ZNF385B: variants seen among roughly 807,000 people sequenced by gnomAD.
ZNF385B encodes the protein zinc finger protein 533.
Under a neutral mutation model 39.2 loss-of-function variants are expected in ZNF385B, and 23 were observed. The observed-to-expected ratio is 0.59, with a 90% confidence interval of 0.42 to 0.83. The LOEUF (loss-of-function observed/expected upper bound fraction) is 0.83, where lower values mean the gene tolerates loss of function less well. Among genes scored for constraint, ZNF385B ranks in the 40% least tolerant of loss-of-function variants. The probability of loss-of-function intolerance (pLI) is 0.00; values close to 1 mark genes in which losing one functional copy is unlikely to be tolerated. For synonymous variants in ZNF385B, 205 were observed against 222.6 expected (o/e 0.92, Z 0.70); for missense variants, 552 against 598.9 (o/e 0.92, Z 0.82).
At chr2:179,642,502 C>T (rs1692357518) in intron 3 of ZNF385B, among the ~76,000 whole-genome samples, 1 of 152,118 alleles carries the variant, frequency 6.6e-6, no homozygotes, top group Non-Finnish European at 1.5e-5. Flanking sequence ...ATCTTAGTTA[C>T]TCTTGTTCGA....
chr2:179,694,410 T>A (rs1559098122), intron 3 of ZNF385B, among the ~76,000 whole-genome samples: 1 of 151,928 alleles, frequency 6.6e-6, no homozygotes, highest in East Asian at 1.9e-4. Context: ...TAACTATTAG[T>A]CACTAATTCC....
chr2:179,546,494 G>T (rs1051381020), intron 3 of ZNF385B, among the ~76,000 whole-genome samples: 1 of 152,100 alleles, frequency 6.6e-6, no homozygotes, highest in Non-Finnish European at 1.5e-5. Context: ...TCTGTGCCTG[G>T]CTTATTTCAC....
intron 3 of ZNF385B, chr2:179,745,882 G>A (rs1460245691): frequency 2.4e-6 from 3 of 1,263,760 alleles, no homozygotes; most frequent in Non-Finnish European, 3.0e-6. Context: ...TATCAGTGCC[G>A]CTCCAAGCCT....
chr2:179,789,743 A>G (rs548024714), intron 1 of ZNF385B, among the ~76,000 whole-genome samples: 10 of 152,212 alleles, frequency 6.6e-5, no homozygotes, highest in Non-Finnish European at 1.3e-4. Flanking sequence ...TGAGGAGCAT[A>G]AAACATACTA....
At chr2:179,588,055 C>T (rs762176361) in intron 3 of ZNF385B, among the ~76,000 whole-genome samples, 2 of 152,078 alleles carry the variant, frequency 1.3e-5, no homozygotes, top group Admixed American at 6.5e-5. Flanking sequence ...TAACCTCCAT[C>T]GGAAAGGCAA....
At chr2:179,721,126 G>A (rs957762108) in intron 3 of ZNF385B, among the ~76,000 whole-genome samples, 17 of 151,784 alleles carry the variant, frequency 1.1e-4, no homozygotes, top group African/African-American at 3.4e-4. Flanking sequence ...AATTACTACA[G>A]ATGAAAAGGT....
At chr2:179,756,169 G>C (rs1419363077) in intron 3 of ZNF385B, among the ~76,000 whole-genome samples, 2 of 151,970 alleles carry the variant, frequency 1.3e-5, no homozygotes, top group Non-Finnish European at 2.9e-5. Context: ...TTTTAGGGCA[G>C]GCCTGGTGGT....
intron 1 of ZNF385B, among the ~76,000 whole-genome samples, chr2:179,810,389 TAACA>T (rs1202665442): frequency 1.3e-5 from 2 of 151,988 alleles, no homozygotes; most frequent in Admixed American, 6.5e-5. Flanking sequence ...TTGATTTTAC[TAACA>T]ATCAAGAGAA....
chr2:179,787,310 T>C (rs767525319), intron 1 of ZNF385B, among the ~76,000 whole-genome samples: 16 of 152,086 alleles, frequency 1.1e-4, no homozygotes, highest in Non-Finnish European at 2.2e-4. Flanking sequence ...TGTTCCCTGC[T>C]CTATGTTATA....
At chr2:179,596,490 G>A (rs1688009154) in intron 3 of ZNF385B, among the ~76,000 whole-genome samples, 1 of 152,098 alleles carries the variant, frequency 6.6e-6, no homozygotes, top group Non-Finnish European at 1.5e-5. Context: ...TTCTCTATCA[G>A]ACTGAGGCCA....
At chr2:179,813,389 C>T (rs1706856248) in intron 1 of ZNF385B, among the ~76,000 whole-genome samples, 1 of 152,002 alleles carries the variant, frequency 6.6e-6, no homozygotes, top group Non-Finnish European at 1.5e-5. Flanking sequence ...CATTTGACTC[C>T]TAAAATTTTT....
chr2:179,555,120 A>G (rs548206481), intron 3 of ZNF385B, among the ~76,000 whole-genome samples: 2 of 149,928 alleles, frequency 1.3e-5, no homozygotes, highest in African/African-American at 5.0e-5. Context: ...GTATGTTTGC[A>G]TGATGAAACA....
intron 4 of ZNF385B, among the ~76,000 whole-genome samples, chr2:179,537,424 A>G (rs769071205): frequency 4.3e-4 from 66 of 152,106 alleles, no homozygotes; most frequent in Non-Finnish European, 8.1e-4. Flanking sequence ...GTATATTTAC[A>G]TACTTTTTCT....
chr2:179,798,727 T>TACTGTGGTTTG (rs1705839968), intron 1 of ZNF385B, among the ~76,000 whole-genome samples: 1 of 152,158 alleles, frequency 6.6e-6, no homozygotes, highest in South Asian at 2.1e-4. Context: ...ATAGTCAAAT[T>TACTGTGGTTTG]ACTGTGGTTA....
At chr2:179,791,645 A>G (rs567030940) in intron 1 of ZNF385B, among the ~76,000 whole-genome samples, 24 of 152,392 alleles carry the variant, frequency 1.6e-4, no homozygotes, top group Middle Eastern at 3.4e-3. Flanking sequence ...CAGTATTTTT[A>G]GACAGTAACA....
Position 179,684,653 on chromosome 2 carries a change from C to A in ZNF385B, c.298+84850G>T, listed in dbSNP as rs77938590. Among the ~76,000 whole-genome samples the A allele has an allele frequency of 7.2e-5, 11 of 152,214 alleles. No individual in the cohort carries two copies. In the East Asian group the frequency reaches 1.9e-3, roughly 27 times the overall value. Reference sequence around the variant, plus strand: ...TGATGCTTGTCAAGTGATATTAGAACCAACAAGTGAGACAACTAATCAATA... The same window carrying A: ...TGATGCTTGTCAAGTGATATTAGAAACAACAAGTGAGACAACTAATCAATA... On this transcript the variant is annotated intron_variant, in intron 3 of 9. Coordinates refer to ENST00000410066, the MANE Select transcript of ZNF385B (RefSeq NM_152520.6).
intron 3 of ZNF385B, chr2:179,562,646 C>T (rs1263797251): frequency 2.1e-6 from 2 of 934,328 alleles, no homozygotes; most frequent in Non-Finnish European, 2.6e-6. Flanking sequence ...CTTCTGATGA[C>T]ACAGAACCAA....
At chr2:179,806,892 C>A (rs180805113) in intron 1 of ZNF385B, among the ~76,000 whole-genome samples, 1 of 152,114 alleles carries the variant, frequency 6.6e-6, no homozygotes, top group Non-Finnish European at 1.5e-5. Flanking sequence ...TTCAATTTCA[C>A]GCCATATACA....
intron 5 of ZNF385B, among the ~76,000 whole-genome samples, chr2:179,493,408 T>C (rs2055472576): frequency 1.3e-5 from 2 of 151,700 alleles, no homozygotes; most frequent in South Asian, 2.1e-4. Context: ...TACATATATG[T>C]ACACAAATGC....
Sources: gnomAD v4.1 joint callset for allele counts (sites outside exome capture counted in the v4.1 genomes callset) on GRCh38, gnomAD v4.1.1 for gene constraint, MANE v1.5 for transcripts, NCBI Gene and HGNC (gene_info 2026-07-23, HGNC 2026-07-21) for gene names.